Variants in CRACDL observed in about 807,000 individuals in gnomAD.
The protein encoded by CRACDL is CRACD-like protein.
A neutral mutation model predicts 70.6 loss-of-function variants in CRACDL; 26 were observed. That is an observed-to-expected ratio of 0.37 (90% CI 0.27 to 0.51). The LOEUF (loss-of-function observed/expected upper bound fraction) is 0.51. Among genes scored for constraint, CRACDL ranks in the 20% least tolerant of loss-of-function variants. The pLI, the probability that CRACDL is intolerant of heterozygous loss-of-function variation, is 0.94. For missense variants in CRACDL, 1,283 were observed against 1,376.9 expected (o/e 0.93, Z 1.08); for synonymous variants, 618 against 615.2 (o/e 1.00, Z -0.07).
chr2:98,826,914 G>GA, intron 6 of CRACDL, 61 bp downstream of exon 6: 4 of 1,278,348 alleles, frequency 3.1e-6, no homozygotes, highest in Non-Finnish European at 4.3e-6. Flanking sequence ...GTTGGGGGGG[G>GA]GCATAGGGGG....
In CRACDL at chr2:98,889,323, GA is replaced by G. The variant is rs1553399254; in HGVS notation, c.-10-42514del. ...AGAAAGAAAGAAAGAAAGAAAGAAA[GA>G]AAGAAAGAAAGAAAGAAAGGAAACA... On this transcript the variant is annotated intron_variant, in intron 1 of 9. Coordinates refer to ENST00000397899, the MANE Select transcript of CRACDL (RefSeq NM_207362.3). 4.6e-4 allele frequency among the ~76,000 whole-genome samples: 41 copies of G among 89,400 alleles called. 2 individuals carry two copies. Among genetic ancestry groups the G allele is most frequent in the Admixed American group, 4.1e-3 (37 of 8,980 alleles). The allele number at this position is 89,400 out of a possible 152,430, so 58.6% of individuals were successfully genotyped here. A position where few individuals can be genotyped will look rare whatever the true frequency, so the allele number is the denominator to read the frequency against.
At chr2:98,828,571 A>C (rs1705411332) in intron 5 of CRACDL, among the ~76,000 whole-genome samples, 1 of 152,170 alleles carries the variant, frequency 6.6e-6, no homozygotes, top group South Asian at 2.1e-4. Flanking sequence ...CCGGACAGGG[A>C]ACCATAAGGA....
At chr2:98,916,192 C>G (rs780236586) in intron 1 of CRACDL, among the ~76,000 whole-genome samples, 1 of 152,234 alleles carries the variant, frequency 6.6e-6, no homozygotes, top group Non-Finnish European at 1.5e-5. Flanking sequence ...AAACCACTGA[C>G]ACACACAACT....
At chr2:98,845,150 C>T (rs1254214329) in intron 2 of CRACDL, among the ~76,000 whole-genome samples, 1 of 151,914 alleles carries the variant, frequency 6.6e-6, no homozygotes, top group Non-Finnish European at 1.5e-5. Flanking sequence ...CTTTTATACT[C>T]TGTTGTCTCT....
Position 98,832,197 on chromosome 2 carries a change from G to A in CRACDL, c.540+151C>T, listed in dbSNP as rs1278268485. 5.1e-6 allele frequency: 4 copies of A among 791,244 alleles called. No homozygotes were observed. In the Admixed American group the frequency reaches 6.1e-5, roughly 12 times the overall value. 49.0% of individuals were successfully genotyped at this position (791,244 alleles called of 1,614,324 possible). On this transcript the variant is annotated intron_variant, in intron 5 of 9. Transcript: ENST00000397899. ...TACTCAAAGAATGAAAATAAACACA[G>A]CTCAAGGGCTGATTGTAGGCTCCAG...
At chr2:98,885,318 C>G (rs1015968571) in intron 1 of CRACDL, among the ~76,000 whole-genome samples, 2 of 152,178 alleles carry the variant, frequency 1.3e-5, no homozygotes, top group Non-Finnish European at 2.9e-5. Flanking sequence ...TTAAAGGTCT[C>G]TCTTTTAACT....
At chr2:98,920,040 C>T (rs1401857369) in intron 1 of CRACDL, among the ~76,000 whole-genome samples, 1 of 152,206 alleles carries the variant, frequency 6.6e-6, no homozygotes, top group Non-Finnish European at 1.5e-5. Context: ...AGGTGTGAGC[C>T]ACTGTGCCTG....
At chr2:98,799,395 G>A (rs1428955683) in intron 7 of CRACDL, among the ~76,000 whole-genome samples, 3 of 151,988 alleles carry the variant, frequency 2.0e-5, no homozygotes, top group Non-Finnish European at 4.4e-5. Context: ...GTGGTGAGAA[G>A]AGCCTTCAGC....
chr2:98,795,077 A>ATATATATATATATTTTTT, intron 9 of CRACDL, among the ~76,000 whole-genome samples: 10 of 58,478 alleles, frequency 1.7e-4, no homozygotes, highest in African/African-American at 2.7e-4. Context: ...ATATATATAT[A>ATATATATATATATTTTTT]TTTTTTTTTT....
At chr2:98,931,060 T>A (rs530612446) in intron 1 of CRACDL, among the ~76,000 whole-genome samples, 1 of 152,100 alleles carries the variant, frequency 6.6e-6, no homozygotes, top group African/African-American at 2.4e-5. Context: ...CATGGTGGCT[T>A]ACGCCTGTAA....
rs569009628 is a variant in CRACDL at position 98,899,807 on chromosome 2, G to A, written c.-11+36131C>T. ...GCAGGAGGGGAGGCAGGGAATGGAG[G>A]CTCAGTGGGAGGGGAGGCAGATGGA... On this transcript the variant is annotated intron_variant, in intron 1 of 9. Coordinates refer to ENST00000397899, the MANE Select transcript of CRACDL (RefSeq NM_207362.3). Among the ~76,000 whole-genome samples the A allele has an allele frequency of 3.5e-3, 519 of 150,036 alleles. 2 individuals are homozygous for A. Among genetic ancestry groups the A allele is most frequent in the Admixed American group, 7.6e-3 (115 of 15,114 alleles).
intron 1 of CRACDL, among the ~76,000 whole-genome samples, chr2:98,884,887 T>TGACAG (rs1307411176): frequency 6.6e-6 from 1 of 152,202 alleles, no homozygotes; most frequent in African/African-American, 2.4e-5. Flanking sequence ...TAGAGCAGCC[T>TGACAG]GACAGGACTG....
chr2:98,860,818 G>A (rs1176441003), intron 1 of CRACDL, among the ~76,000 whole-genome samples: 1 of 152,148 alleles, frequency 6.6e-6, no homozygotes, highest in Non-Finnish European at 1.5e-5. Flanking sequence ...AAACTGTAAA[G>A]ACAACAGACT....
chr2:98,928,556 T>C (rs1009822332), intron 1 of CRACDL, among the ~76,000 whole-genome samples: 5 of 152,074 alleles, frequency 3.3e-5, no homozygotes, highest in African/African-American at 7.2e-5. Context: ...GTCTGGTCTA[T>C]AGGGCTTCCT....
intron 1 of CRACDL, among the ~76,000 whole-genome samples, chr2:98,914,717 C>G (rs1198623656): frequency 6.6e-6 from 1 of 152,210 alleles, no homozygotes; most frequent in Non-Finnish European, 1.5e-5. Flanking sequence ...TGCCAACAGA[C>G]CCCTCCATCA....
chr2:98,876,198 G>A (rs1216891603), intron 1 of CRACDL, among the ~76,000 whole-genome samples: 1 of 152,168 alleles, frequency 6.6e-6, no homozygotes, highest in Non-Finnish European at 1.5e-5. Flanking sequence ...TTCTTAAATC[G>A]AGAGTAAAAA....
rs1160603501 is a variant in CRACDL at position 98,925,048 on chromosome 2, G to T, written c.-11+10890C>A. On this transcript the variant is annotated intron_variant, in intron 1 of 9. Transcript: ENST00000397899. ...CCAGGGTGCGGTCCAGGACGACCCA[G>T]CTCTCAGCCTGTCCCTTTCCTTCCC... 2.0e-5 allele frequency among the ~76,000 whole-genome samples: 3 copies of T among 152,310 alleles called. No homozygotes were observed. In the East Asian group the frequency reaches 5.8e-4, roughly 29 times the overall value.
At chr2:98,884,617 G>A (rs1458688931) in intron 1 of CRACDL, among the ~76,000 whole-genome samples, 3 of 152,218 alleles carry the variant, frequency 2.0e-5, no homozygotes, top group African/African-American at 4.8e-5. Flanking sequence ...GGTATTAGGA[G>A]GTGGGACCTT....
intron 7 of CRACDL, among the ~76,000 whole-genome samples, chr2:98,805,647 A>C (rs1704259974): frequency 6.6e-6 from 1 of 151,918 alleles, no homozygotes; most frequent in South Asian, 2.1e-4. Flanking sequence ...AGAGGATCTG[A>C]CTCCACACAG....
Sources: gnomAD v4.1 joint callset for allele counts (sites outside exome capture counted in the v4.1 genomes callset) on GRCh38, gnomAD v4.1.1 for gene constraint, MANE v1.5 for transcripts, NCBI Gene and HGNC (gene_info 2026-07-23, HGNC 2026-07-21) for gene names.